The following UIMC1 variants were observed in gnomAD, a reference collection of about 807,000 sequenced individuals.
The protein encoded by UIMC1 is BRCA1-A complex subunit RAP80.
A neutral mutation model predicts 84.9 loss-of-function variants in UIMC1; 42 were observed. The ratio of observed to expected loss-of-function variants is 0.49; its 90% confidence interval spans 0.39 to 0.64. UIMC1 has a LOEUF of 0.64. Ranked by LOEUF, UIMC1 falls within the 30% of genes least tolerant of loss-of-function variation. The probability of loss-of-function intolerance (pLI) is 0.00; values close to 1 mark genes in which losing one functional copy is unlikely to be tolerated. For missense variants in UIMC1, 825 were observed against 847.6 expected, an observed-to-expected ratio of 0.97 and a Z score of 0.33; for synonymous variants, 281 against 293.0, an observed-to-expected ratio of 0.96 and a Z score of 0.42.
intron 2 of UIMC1, among the ~76,000 whole-genome samples, chr5:176,981,774 G>A (rs1771092104): frequency 6.6e-6 from 1 of 151,858 alleles, no homozygotes; most frequent in African/African-American, 2.4e-5. Context: ...GGTGACAGAG[G>A]GAGACCCTGG....
At chr5:176,968,287 G>A (rs1438324015) in intron 6 of UIMC1, among the ~76,000 whole-genome samples, 1 of 151,832 alleles carries the variant, frequency 6.6e-6, no homozygotes, top group Non-Finnish European at 1.5e-5. Flanking sequence ...CAGGAGAACT[G>A]CTTGAACCCG....
At chr5:176,911,612 C>T (rs980002583) in intron 10 of UIMC1, among the ~76,000 whole-genome samples, 62 of 152,100 alleles carry the variant, frequency 4.1e-4, no homozygotes, top group African/African-American at 1.4e-3. Context: ...CAAGATATTC[C>T]GCTGTATGCT....
At chr5:176,957,892 T>C (rs1163101802) in intron 7 of UIMC1, among the ~76,000 whole-genome samples, 1 of 152,186 alleles carries the variant, frequency 6.6e-6, no homozygotes, top group Admixed American at 6.6e-5. Context: ...TAGGATCTCT[T>C]CCAGCTCTTA....
chr5:176,994,843 TG>T (rs1773370405), intron 1 of UIMC1, among the ~76,000 whole-genome samples: 1 of 152,130 alleles, frequency 6.6e-6, no homozygotes, highest in South Asian at 2.1e-4. Flanking sequence ...CTTGTGATCA[TG>T]CAGCTGCACA....
In UIMC1 at chr5:176,970,944, A is replaced by G. The variant is rs1769113320; in HGVS notation, c.233-78T>C. 2.6e-6 allele frequency: 4 copies of G among 1,531,616 alleles called. No homozygotes were observed. The East Asian group carries it at 9.5e-5, about 36-fold the overall frequency. The allele number at this position is 1,531,616 out of a possible 1,614,324, so 94.9% of individuals were successfully genotyped here. A position where few individuals can be genotyped will look rare whatever the true frequency, so the allele number is the denominator to read the frequency against. ...CATGGAGGCAAGAAAGAGAATTATTAAACTTTTCAACTGAAGACACTACCA... is the reference window on the plus strand; with the variant it reads ...CATGGAGGCAAGAAAGAGAATTATTGAACTTTTCAACTGAAGACACTACCA... On this transcript the variant is annotated intron_variant, in intron 3 of 14. Coordinates refer to ENST00000511320, the MANE Select transcript of UIMC1 (RefSeq NM_001199298.2).
chr5:176,906,173 C>A (rs536034123), intron 13 of UIMC1, 126 bp from the exon 14 acceptor site: 7 of 824,612 alleles, frequency 8.5e-6, no homozygotes, highest in Admixed American at 4.5e-5. Context: ...TAGCACAGAT[C>A]CCCAATCCCC....
chr5:176,947,253 A>G (rs1417313044), intron 9 of UIMC1, among the ~76,000 whole-genome samples: 1 of 152,230 alleles, frequency 6.6e-6, no homozygotes, highest in Non-Finnish European at 1.5e-5. Context: ...AGTATTAACT[A>G]CTAGGGAAGA....
At chr5:176,970,707 A>G (rs377459489) in intron 4 of UIMC1, 35 bp downstream of exon 4, 4 of 1,613,712 alleles carry the variant, frequency 2.5e-6, no homozygotes, top group South Asian at 2.2e-5. Context: ...ATAGCTGATC[A>G]ATCTCCACAA....
At chr5:177,017,763 T>C (rs1222032992) in intron 1 of UIMC1, among the ~76,000 whole-genome samples, 1 of 148,750 alleles carries the variant, frequency 6.7e-6, no homozygotes, top group Non-Finnish European at 1.5e-5. Flanking sequence ...AGTGATCCTC[T>C]CACCTCAGCC....
chr5:176,960,848 G>C (rs1767310151), intron 6 of UIMC1, among the ~76,000 whole-genome samples: 1 of 61,032 alleles, frequency 1.6e-5, no homozygotes, highest in African/African-American at 1.3e-4. Flanking sequence ...GGCCGGGCCG[G>C]TCTCCAGCCC....
chr5:176,970,267 ATC>A (rs1768998516), intron 4 of UIMC1: 1 of 165,434 alleles, frequency 6.0e-6, no homozygotes, highest in African/African-American at 3.6e-5. Flanking sequence ...GTGAGACTCC[ATC>A]TCAAAAAAAA....
chr5:177,020,524 G>C (rs1775766248), intron 1 of UIMC1, among the ~76,000 whole-genome samples: 1 of 152,174 alleles, frequency 6.6e-6, no homozygotes, highest in Non-Finnish European at 1.5e-5. Flanking sequence ...TCCGCCTGCT[G>C]GGTTCACACC....
chr5:176,907,068 A>G, intron 13 of UIMC1, 46 bp downstream of exon 13: 1 of 1,595,210 alleles, frequency 6.3e-7, no homozygotes, highest in Non-Finnish European at 8.6e-7. Flanking sequence ...ATCTTCACTG[A>G]AAGGCCTTAG....
chr5:176,961,064 A>AGTGAGGAG (rs1486996174), intron 6 of UIMC1, among the ~76,000 whole-genome samples: 17 of 66,698 alleles, frequency 2.5e-4, no homozygotes, highest in Non-Finnish European at 1.1e-4. Flanking sequence ...CCGTCTGGGA[A>AGTGAGGAG]GTGAGGAGTG....
At chr5:177,009,817 T>C (rs570146143), upstream of UIMC1, among the ~76,000 whole-genome samples, 4 of 152,014 alleles carry the variant, frequency 2.6e-5, no homozygotes, top group Non-Finnish European at 5.9e-5. The surrounding 1 kb of genome is among the most constrained non-coding windows in gnomAD (Gnocchi z 4.3). Flanking sequence ...GGTGGATCAC[T>C]TGAGGTCAGG....
At chr5:176,992,331 C>T (rs1291235543) in intron 1 of UIMC1, among the ~76,000 whole-genome samples, 1 of 151,902 alleles carries the variant, frequency 6.6e-6, no homozygotes, top group Admixed American at 6.6e-5. Context: ...GAGTGTAGAA[C>T]TATCAAGATT....
rs1303561370 is a variant in UIMC1 at position 176,984,255 on chromosome 5, G to T, written c.-8-1632C>A. Among the ~76,000 whole-genome samples the T allele has an allele frequency of 1.9e-4, 23 of 119,740 alleles. 1 individual carries two copies. Among genetic ancestry groups the T allele is most frequent in the African/African-American group, 6.1e-4 (21 of 34,544 alleles). 78.6% of individuals were successfully genotyped at this position (119,740 alleles called of 152,430 possible). ...TGGAAAGTGAGGAGTGCCTCTGCCC[G>T]GCCGGCCCATCTGGGATGTGAGGAG... On this transcript the variant is annotated intron_variant, in intron 1 of 14. Coordinates refer to ENST00000511320, the MANE Select transcript of UIMC1 (RefSeq NM_001199298.2).
At chr5:176,984,010 G>A (rs1188404007) in intron 1 of UIMC1, among the ~76,000 whole-genome samples, 3 of 146,384 alleles carry the variant, frequency 2.0e-5, no homozygotes, top group African/African-American at 7.6e-5. Flanking sequence ...GCCCCGTCTG[G>A]GAAGTGAGGA....
At chr5:176,908,328 C>A (rs573741247) in intron 12 of UIMC1, among the ~76,000 whole-genome samples, 195 bp downstream of exon 12, 1 of 152,154 alleles carries the variant, frequency 6.6e-6, no homozygotes, top group African/African-American at 2.4e-5. Context: ...TTGAACTTTC[C>A]ATATTCTCTA....
Sources: gnomAD v4.1 joint callset for allele counts (sites outside exome capture counted in the v4.1 genomes callset) on GRCh38, gnomAD v4.1.1 for gene constraint, Gnocchi (gnomAD v3.1) non-coding constraint, MANE v1.5 for transcripts, NCBI Gene and HGNC (gene_info 2026-07-23, HGNC 2026-07-21) for gene names.